Variants in AXDND1 observed in about 807,000 individuals in gnomAD.
AXDND1 encodes axonemal dynein light chain domain-containing protein 1.
Under a neutral mutation model 137.5 loss-of-function variants are expected in AXDND1, and 110 were observed. That is an observed-to-expected ratio of 0.80 (90% confidence interval 0.69 to 0.94). AXDND1 has a LOEUF of 0.94. AXDND1 is among the 40% of genes least tolerant of loss of function. The pLI is 0.00. For missense variants in AXDND1, 1,191 were observed against 1,169.8 expected (o/e 1.02, Z -0.26); for synonymous variants, 414 against 399.7 (o/e 1.04, Z -0.43).
intron 15 of AXDND1, among the ~76,000 whole-genome samples, chr1:179,444,322 G>C (rs1481683675): frequency 6.6e-6 from 1 of 152,058 alleles, no homozygotes; most frequent in Admixed American, 6.6e-5. Flanking sequence ...TCTATAAAAG[G>C]TAAGTGGCAG....
At chr1:179,457,150 A>C (rs984725455) in intron 16 of AXDND1, 1 of 849,782 alleles carries the variant, frequency 1.2e-6, no homozygotes, top group Non-Finnish European at 2.0e-6. Flanking sequence ...CCGCAGTGGC[A>C]TGTGAGACAA....
intron 4 of AXDND1, among the ~76,000 whole-genome samples, chr1:179,376,763 C>T (rs1256154931): frequency 6.6e-6 from 1 of 152,066 alleles, no homozygotes. Context: ...TGAAGGCTCC[C>T]CAATGGTAGG....
intron 7 of AXDND1, among the ~76,000 whole-genome samples, chr1:179,383,112 C>T (rs1648643723): frequency 6.6e-6 from 1 of 151,684 alleles, no homozygotes; most frequent in Non-Finnish European, 1.5e-5. Flanking sequence ...TGTGAGGTAA[C>T]CAATGTTAAA....
At chr1:179,457,177 G>A (rs1661526045) in intron 16 of AXDND1, 17 of 776,468 alleles carry the variant, frequency 2.2e-5, no homozygotes, top group South Asian at 2.2e-4. Context: ...AGCCCCTGGA[G>A]TGCTTGGTAT....
intron 11 of AXDND1, among the ~76,000 whole-genome samples, chr1:179,398,969 ACAT>A (rs1467427533): frequency 1.3e-5 from 2 of 152,098 alleles, no homozygotes. Flanking sequence ...GGAAAGCAAA[ACAT>A]GCCTGCACAC....
At chr1:179,372,660 A>G (rs1432726828) in intron 4 of AXDND1, among the ~76,000 whole-genome samples, 2 of 152,160 alleles carry the variant, frequency 1.3e-5, no homozygotes, top group African/African-American at 4.8e-5. Context: ...TTTTATGAAG[A>G]AACAAAACAT....
At chr1:179,410,378 A>C (rs10798675) in intron 11 of AXDND1, among the ~76,000 whole-genome samples, 1 of 151,966 alleles carries the variant, frequency 6.6e-6, no homozygotes, top group Non-Finnish European at 1.5e-5. Context: ...CTACAGGCAC[A>C]CGCCACCACA....
At chr1:179,423,994 T>C (rs567615407) in intron 12 of AXDND1, among the ~76,000 whole-genome samples, 316 of 152,278 alleles carry the variant, frequency 2.1e-3, no homozygotes, top group Non-Finnish European at 3.7e-3. Context: ...TTCTTTTAGA[T>C]TGAAGAACTC....
chr1:179,432,368 G>A (rs12097041), intron 15 of AXDND1, 26 bp downstream of exon 15: 181,729 of 1,535,304 alleles, frequency 0.12, 13,002 homozygotes, highest in East Asian at 0.35. Context: ...AAAGAGCTTG[G>A]CAATCAAAGT....
intron 17 of AXDND1, among the ~76,000 whole-genome samples, chr1:179,478,049 G>T (rs1161771513): frequency 1.3e-5 from 2 of 152,196 alleles, no homozygotes; most frequent in African/African-American, 2.4e-5. Flanking sequence ...CATTCAAGAG[G>T]TGGGTTCTCA....
chr1:179,406,531 G>GTTT (rs1652998236), intron 11 of AXDND1, among the ~76,000 whole-genome samples: 1 of 152,092 alleles, frequency 6.6e-6, no homozygotes, highest in Non-Finnish European at 1.5e-5. Flanking sequence ...ACATCTGGGT[G>GTTT]CTCCAGGGTT....
intron 20 of AXDND1, among the ~76,000 whole-genome samples, chr1:179,504,050 A>C (rs1010063234): frequency 2.0e-5 from 3 of 152,220 alleles, no homozygotes; most frequent in African/African-American, 7.2e-5. Context: ...GTGGTAGAAA[A>C]TTACAAGACT....
chr1:179,554,131 C>T (rs1673724665), intron 25 of AXDND1, among the ~76,000 whole-genome samples: 1 of 152,140 alleles, frequency 6.6e-6, no homozygotes, highest in Non-Finnish European at 1.5e-5. Flanking sequence ...CCAGGCTGGT[C>T]TCAAACTCCT....
chr1:179,540,633 C>G (rs1572216792), intron 25 of AXDND1, among the ~76,000 whole-genome samples: 1 of 152,188 alleles, frequency 6.6e-6, no homozygotes, highest in East Asian at 1.9e-4. Flanking sequence ...CTGTCGGCCC[C>G]AACTGGGAGG....
chr1:179,396,190 A>G (rs1651029448), intron 11 of AXDND1, among the ~76,000 whole-genome samples: 2 of 144,890 alleles, frequency 1.4e-5, no homozygotes, highest in East Asian at 3.9e-4. Context: ...AAAAAAAAAA[A>G]AGAAAAATAT....
chr1:179,549,041 A>AT (rs1240631070), intron 25 of AXDND1: 5 of 152,164 alleles, frequency 3.3e-5, no homozygotes, highest in Non-Finnish European at 7.3e-5. Context: ...CATTTTGGTC[A>AT]TGGCAGGCTC....
intron 4 of AXDND1, among the ~76,000 whole-genome samples, chr1:179,374,456 C>G (rs569814636): frequency 6.6e-6 from 1 of 152,188 alleles, no homozygotes; most frequent in Admixed American, 6.5e-5. Flanking sequence ...ACCACTTGAC[C>G]CAGCAATCCC....
intron 12 of AXDND1, among the ~76,000 whole-genome samples, chr1:179,427,655 GAAT>G (rs943934214): frequency 2.6e-5 from 4 of 152,056 alleles, no homozygotes; most frequent in Non-Finnish European, 5.9e-5. Context: ...TTTTAAAAAA[GAAT>G]CAGCAATTAT....
chr1:179,489,815 G>A (rs1313327361), intron 18 of AXDND1, among the ~76,000 whole-genome samples: 1 of 142,290 alleles, frequency 7.0e-6, no homozygotes, highest in African/African-American at 2.6e-5. Context: ...GAACCGTCTC[G>A]GCTCACTGCA....
Sources: allele counts gnomAD v4.1 joint callset (sites outside exome capture counted in the v4.1 genomes callset), GRCh38; gene constraint gnomAD v4.1.1; transcripts MANE v1.5; gene names NCBI Gene and HGNC (gene_info 2026-07-23, HGNC 2026-07-21).